The following SLC22A2 variants were observed in gnomAD, a reference collection of about 807,000 sequenced individuals.
SLC22A2 encodes the protein solute carrier family 22 member 2.
A neutral mutation model predicts 60.5 loss-of-function variants in SLC22A2; 46 were observed. That is an observed-to-expected ratio of 0.76 (90% CI 0.60 to 0.97). The LOEUF (loss-of-function observed/expected upper bound fraction) is 0.97. SLC22A2 is among the 50% of genes least tolerant of loss of function. SLC22A2 has a pLI of 0.00. For synonymous variants in SLC22A2, 303 were observed against 267.0 expected, an observed-to-expected ratio of 1.13 and a Z score of -1.31; for missense variants, 701 against 706.6, an observed-to-expected ratio of 0.99 and a Z score of 0.09.
In SLC22A2 at chr6:160,243,726, A is replaced by G. The variant is rs930903512; in HGVS notation, c.1125T>C (p.Asn375=). The change falls in exon 7 of 11, where the codon AAT becomes AAC. Residue 375 remains asparagine, a synonymous_variant. Coordinates refer to ENST00000366953, the MANE Select transcript of SLC22A2 (RefSeq NM_003058.4). ...LIMHMGLAGD[N]IYLDFFYSAL... ...CAGAGTAGAAGAAATCCAGGTAGAT[A>G]TTGTCACCTGCAAGGCCCATGTGCA... 2.5e-6 allele frequency: 4 copies of G among 1,614,024 alleles called. No homozygotes were observed. Among genetic ancestry groups the G allele is most frequent in the East Asian group, 2.2e-5 (1 of 44,848 alleles).
rs78451863 is a variant in SLC22A2 at position 160,217,754 on chromosome 6, G to T, written c.1602-256C>A. 93 of 349,858 alleles carry T rather than the reference G, an allele frequency of 2.7e-4. No homozygotes were observed. The East Asian group carries it at 4.8e-3, about 18-fold the overall frequency. 21.7% of individuals were successfully genotyped at this position (349,858 alleles called of 1,614,324 possible). ...CCTAAATAAGTTCCTTTTTTAGGGT[G>T]TTCACCTTTCTCTGTAATAGAGAAT... On this transcript the variant is annotated intron_variant, in intron 10 of 10. Transcript: ENST00000366953.
chr6:160,234,346 C>T (rs1011734846), intron 9 of SLC22A2, among the ~76,000 whole-genome samples: 5 of 152,148 alleles, frequency 3.3e-5, no homozygotes, highest in East Asian at 1.9e-4. Flanking sequence ...CTAAGAGGGA[C>T]GCTTGAGAGC....
chr6:160,237,625 A>T (rs973742975), intron 9 of SLC22A2, among the ~76,000 whole-genome samples: 4 of 152,218 alleles, frequency 2.6e-5, no homozygotes, highest in Admixed American at 6.5e-5. Flanking sequence ...CTCTGCAACC[A>T]TTAAGATTAA....
intron 2 of SLC22A2, 70 bp downstream of exon 2, chr6:160,256,544 G>C: frequency 1.0e-6 from 1 of 985,540 alleles, no homozygotes. Flanking sequence ...TTCAAGCAGG[G>C]GCAGGTGCAT....
At chr6:160,240,450 G>T (rs1782980865) in intron 9 of SLC22A2, among the ~76,000 whole-genome samples, 1 of 152,182 alleles carries the variant, frequency 6.6e-6, no homozygotes, top group Non-Finnish European at 1.5e-5. Context: ...TTTAGTTTTA[G>T]AAGCTAAGCT....
At chr6:160,238,207 T>C (rs1189828580) in intron 9 of SLC22A2, among the ~76,000 whole-genome samples, 2 of 152,226 alleles carry the variant, frequency 1.3e-5, no homozygotes, top group East Asian at 1.9e-4. Flanking sequence ...TTGGGACCCC[T>C]TTCTGGTAAC....
At chr6:160,256,571 C>T (rs1001656794) in intron 2 of SLC22A2, 43 bp downstream of exon 2, 6 of 1,407,460 alleles carry the variant, frequency 4.3e-6, no homozygotes, top group African/African-American at 4.2e-5. Context: ...GTTCTCCAAA[C>T]CTTTGGGATT....
intron 9 of SLC22A2, among the ~76,000 whole-genome samples, chr6:160,240,040 G>A (rs1421291118): frequency 6.6e-6 from 1 of 152,166 alleles, no homozygotes; most frequent in East Asian, 1.9e-4. Flanking sequence ...ACGGAAATGA[G>A]TGACTGAGGA....
intron 9 of SLC22A2, among the ~76,000 whole-genome samples, chr6:160,231,832 C>G (rs1454789667): frequency 1.3e-5 from 2 of 151,904 alleles, no homozygotes; most frequent in African/African-American, 4.9e-5. Flanking sequence ...CCTATGCTGG[C>G]TCTCCGTAAC....
intron 3 of SLC22A2, among the ~76,000 whole-genome samples, chr6:160,250,201 C>T (rs1783159839): frequency 6.6e-6 from 1 of 152,154 alleles, no homozygotes; most frequent in South Asian, 2.1e-4. Flanking sequence ...CTTTATAAAT[C>T]TACTATATCT....
chr6:160,258,386 G>A lies in SLC22A2; in HGVS notation c.372C>T (p.Asp124=), dbSNP rs1406195900. ...RSRLPLGPCR[D]GWVYETPGSS... ...AGCCAGGCGTCTCGTACACCCAGCC[G>A]TCCCGGCAGGGGCCCAGTGGCAGGC... is the stretch of plus-strand genomic sequence containing the variant. Residue 124 remains aspartate (D), a synonymous_variant, in exon 1 of 11, where the codon GAC becomes GAT. Transcript: ENST00000366953. 12 of 1,613,602 alleles carry A rather than the reference G, an allele frequency of 7.4e-6. No individual in the cohort carries two copies. The highest frequency in any genetic ancestry group is 4.5e-5 in the East Asian group (2 of 44,872).
intron 9 of SLC22A2, among the ~76,000 whole-genome samples, chr6:160,227,169 C>T (rs963746626): frequency 6.6e-6 from 1 of 152,258 alleles, no homozygotes; most frequent in South Asian, 2.1e-4. Flanking sequence ...CCTCCCAATC[C>T]TGAAGAGATT....
intron 6 of SLC22A2, 69 bp from the exon 7 acceptor site, chr6:160,243,855 G>A: frequency 9.1e-7 from 1 of 1,101,858 alleles, no homozygotes. Flanking sequence ...AGAGGCTTCT[G>A]GAAAAATAAT....
chr6:160,242,506 G>C (rs1208685555), intron 7 of SLC22A2, 104 bp from the exon 8 acceptor site: 8 of 716,026 alleles, frequency 1.1e-5, no homozygotes, highest in Non-Finnish European at 2.0e-5. Context: ...TCCCAGAATG[G>C]GACAAGAAAG....
chr6:160,235,201 A>G (rs539190102), intron 9 of SLC22A2, among the ~76,000 whole-genome samples: 102 of 152,180 alleles, frequency 6.7e-4, no homozygotes, highest in Admixed American at 2.0e-3. Context: ...TTTTCATTGC[A>G]TTATCTGATG....
At position 160,242,432 on chromosome 6, in the gene SLC22A2, T is replaced by G. The variant is rs201174455; in HGVS notation, c.1280-30A>C. ...GAGGGAAAAGAACAGTACTTATCCG[T>G]ACACAGATGATTCCTCATCTTCAGA... On this transcript the variant is annotated intron_variant, in intron 7 of 10. Coordinates refer to ENST00000366953, the MANE Select transcript of SLC22A2 (RefSeq NM_003058.4). 5.3e-4 allele frequency: 620 copies of G among 1,173,012 alleles called. 1 individual carries two copies. The highest frequency in any genetic ancestry group is 7.5e-4 in the Non-Finnish European group (582 of 777,098). The allele number at this position is 1,173,012 out of a possible 1,614,324, so 72.7% of individuals were successfully genotyped here.
intron 9 of SLC22A2, among the ~76,000 whole-genome samples, chr6:160,229,993 G>A (rs1025222567): frequency 4.6e-5 from 7 of 151,756 alleles, no homozygotes; most frequent in African/African-American, 7.3e-5. Flanking sequence ...TCCCTCCCTA[G>A]TCTCTGTTCC....
In SLC22A2 at chr6:160,250,705, G is replaced by T. The variant is rs512275; in HGVS notation, c.519-3C>A. 9.2e-3 allele frequency: 14,754 copies of T among 1,612,420 alleles called. 85 individuals are homozygous for T. The highest frequency in any genetic ancestry group is 0.011 in the Non-Finnish European group (12,844 of 1,178,960). On this transcript the variant is annotated splice_region_variant and splice_polypyrimidine_tract_variant and intron_variant, in intron 2 of 10. Coordinates refer to ENST00000366953, the MANE Select transcript of SLC22A2 (RefSeq NM_003058.4). ...GGAGGCAGAGCTTACGGCCAAACCT[G>T]CAGGAAGAAAAACAAAGAGAGGGAA...
intron 4 of SLC22A2, among the ~76,000 whole-genome samples, chr6:160,248,084 G>A (rs1017889932): frequency 6.6e-6 from 1 of 152,190 alleles, no homozygotes; most frequent in Admixed American, 6.5e-5. Context: ...AGGGTATAAT[G>A]GACTGAATGT....
Sources: gnomAD v4.1 joint callset for allele counts (sites outside exome capture counted in the v4.1 genomes callset) on GRCh38, gnomAD v4.1.1 for gene constraint, MANE v1.5 for transcripts, NCBI Gene and HGNC (gene_info 2026-07-23, HGNC 2026-07-21) for gene names.